The following KCND2 variants were observed in gnomAD, a reference collection of about 807,000 sequenced individuals.
The protein encoded by KCND2 is A-type voltage-gated potassium channel KCND2.
KCND2 carries 16 observed loss-of-function variants against 54.4 expected under a neutral mutation model. The ratio of observed to expected loss-of-function variants is 0.29; its 90% CI spans 0.20 to 0.45. The LOEUF (loss-of-function observed/expected upper bound fraction) is 0.45, where lower values mean the gene tolerates loss of function less well. Among genes scored for constraint, KCND2 ranks in the 20% least tolerant of loss-of-function variants. The probability of loss-of-function intolerance (pLI) is 1.00; values close to 1 mark genes in which losing one functional copy is unlikely to be tolerated. For missense variants in KCND2, 486 were observed against 824.2 expected (o/e 0.59, Z 5.02); for synonymous variants, 317 against 310.7 (o/e 1.02, Z -0.21).
At chr7:120,283,585 A>G (rs1179335638) in intron 1 of KCND2, among the ~76,000 whole-genome samples, 1 of 152,154 alleles carries the variant, frequency 6.6e-6, no homozygotes, top group Non-Finnish European at 1.5e-5. Context: ...CACAAATAAA[A>G]CTAGTTCAAA....
intron 1 of KCND2, among the ~76,000 whole-genome samples, chr7:120,605,092 A>G (rs1792864546): frequency 6.6e-6 from 1 of 152,216 alleles, no homozygotes; most frequent in Non-Finnish European, 1.5e-5. Flanking sequence ...TGGTTTTCAA[A>G]GGGGTTACTT....
At chr7:120,680,601 G>T (rs1322180199) in intron 1 of KCND2, among the ~76,000 whole-genome samples, 3 of 152,078 alleles carry the variant, frequency 2.0e-5, no homozygotes, top group Non-Finnish European at 4.4e-5. Context: ...GATGCATATT[G>T]TTCCTCTGGC....
chr7:120,409,404 T>C (rs1265006029), intron 1 of KCND2, among the ~76,000 whole-genome samples: 1 of 152,010 alleles, frequency 6.6e-6, no homozygotes, highest in East Asian at 1.9e-4. Flanking sequence ...CATATTTTTC[T>C]TCATAAAATA....
intron 1 of KCND2, among the ~76,000 whole-genome samples, chr7:120,523,735 TGTGTGTG>T (rs1791732713): frequency 1.4e-5 from 2 of 147,456 alleles, no homozygotes; most frequent in African/African-American, 5.0e-5. Flanking sequence ...TGTGTGTGTG[TGTGTGTG>T]TGTGTATGTC....
chr7:120,432,726 C>A (rs1371531135), intron 1 of KCND2, among the ~76,000 whole-genome samples: 1 of 152,096 alleles, frequency 6.6e-6, no homozygotes, highest in Non-Finnish European at 1.5e-5. Flanking sequence ...CTCACTGCAA[C>A]CTCCACCTCT....
chr7:120,333,880 A>C (rs1035014), intron 1 of KCND2, among the ~76,000 whole-genome samples: 100,475 of 151,986 alleles, frequency 0.66, 38,088 homozygotes, highest in South Asian at 0.91. Flanking sequence ...TTTTTCAAAC[A>C]TCTTTCGGCA....
At chr7:120,541,469 AC>A (rs1791978592) in intron 1 of KCND2, among the ~76,000 whole-genome samples, 1 of 152,106 alleles carries the variant, frequency 6.6e-6, no homozygotes, top group African/African-American at 2.4e-5. Flanking sequence ...CTATGCAAAT[AC>A]CCACACTAAA....
rs971797474 is a variant in KCND2, at chr7:120,273,197, C to A, written c.-1436C>A. 1.3e-4 allele frequency among the ~76,000 whole-genome samples: 20 copies of A among 152,136 alleles called. No homozygotes were observed. The highest frequency in any genetic ancestry group is 1.3e-4 in the Admixed American group (2 of 15,278). The stretch of plus-strand genomic sequence containing the variant: ...TTCCTAACCTGCGTGGCGGGGCGTG[C>A]GCGCGGTTATTTATTTATTTTCTCC... On this transcript the variant is annotated 5_prime_UTR_variant, in exon 1 of 6. Transcript: ENST00000331113.
At chr7:120,680,270 T>C (rs896464198) in intron 1 of KCND2, among the ~76,000 whole-genome samples, 2 of 152,100 alleles carry the variant, frequency 1.3e-5, no homozygotes, top group African/African-American at 4.8e-5. Context: ...GAAAGCATTC[T>C]CTTCACTTTC....
At chr7:120,594,135 ACT>A (rs916371773) in intron 1 of KCND2, among the ~76,000 whole-genome samples, 9 of 152,296 alleles carry the variant, frequency 5.9e-5, no homozygotes, top group African/African-American at 1.9e-4. Context: ...CATCTGATAA[ACT>A]CTTTTCAAAA....
intron 1 of KCND2, among the ~76,000 whole-genome samples, chr7:120,583,194 A>G (rs1014384098): frequency 1.1e-4 from 17 of 151,974 alleles, no homozygotes; most frequent in East Asian, 1.9e-4. Flanking sequence ...CTCTTTATCC[A>G]TTGTTTCAGA....
intron 1 of KCND2, among the ~76,000 whole-genome samples, chr7:120,342,277 C>T (rs1418858470): frequency 6.6e-6 from 1 of 152,092 alleles, no homozygotes; most frequent in Non-Finnish European, 1.5e-5. Context: ...AAATAACTCT[C>T]AGAGTTGTGA....
At chr7:120,722,908 G>T (rs1279870439) in intron 1 of KCND2, among the ~76,000 whole-genome samples, 2 of 152,156 alleles carry the variant, frequency 1.3e-5, no homozygotes, top group African/African-American at 4.8e-5. Context: ...ACAGTTCCAG[G>T]GGTGTCAGCA....
chr7:120,406,517 A>G (rs147865816), intron 1 of KCND2, among the ~76,000 whole-genome samples: 8 of 152,168 alleles, frequency 5.3e-5, no homozygotes, highest in African/African-American at 1.9e-4. Context: ...TTCAAAAGCA[A>G]AACACATGCA....
chr7:120,623,642 C>G (rs1338930247), intron 1 of KCND2, among the ~76,000 whole-genome samples: 3 of 152,108 alleles, frequency 2.0e-5, no homozygotes, highest in African/African-American at 7.2e-5. Context: ...CAATGCCTTA[C>G]ATTTGAGAGA....
intron 1 of KCND2, among the ~76,000 whole-genome samples, chr7:120,540,609 G>A (rs1329656677): frequency 1.3e-5 from 2 of 152,160 alleles, no homozygotes; most frequent in African/African-American, 4.8e-5. Flanking sequence ...TATATGCAGT[G>A]ATGCTCACAT....
chr7:120,423,948 G>A (rs768460720), intron 1 of KCND2, among the ~76,000 whole-genome samples: 41 of 152,102 alleles, frequency 2.7e-4, no homozygotes, highest in Admixed American at 4.6e-4. Context: ...TATGACAAAT[G>A]TGCTTTGTTT....
intron 1 of KCND2, among the ~76,000 whole-genome samples, chr7:120,440,471 G>C (rs1801931455): frequency 6.6e-6 from 1 of 151,980 alleles, no homozygotes; most frequent in South Asian, 2.1e-4. Flanking sequence ...TCTATTTGCT[G>C]TGCAGAATCT....
Position 120,704,204 on chromosome 7 carries a change from C to T in KCND2, c.1116-28699C>T, listed in dbSNP as rs529620318. On this transcript the variant is annotated intron_variant, in intron 1 of 5. Transcript: ENST00000331113. ...CCTCTATCTGTTTATTTAAGAGGAA[C>T]AAAAATCAATATCAATGTAATCAAC... Among the ~76,000 whole-genome samples the T allele has an allele frequency of 3.3e-5, 5 of 152,154 alleles. No homozygotes were observed. The South Asian group carries it at 6.2e-4, about 19-fold the overall frequency.
Sources: allele counts gnomAD v4.1 joint callset (sites outside exome capture counted in the v4.1 genomes callset), GRCh38; gene constraint gnomAD v4.1.1; transcripts MANE v1.5; gene names NCBI Gene and HGNC (gene_info 2026-07-23, HGNC 2026-07-21).